The following SUPT20H variants were observed in gnomAD, a reference collection of about 807,000 sequenced individuals.
SUPT20H encodes the protein SPT20 homolog, SAGA complex component.
Under a neutral mutation model 122.8 loss-of-function variants are expected in SUPT20H, and 82 were observed. The observed-to-expected ratio is 0.67, with a 90% CI of 0.56 to 0.80. The LOEUF is 0.80. SUPT20H is among the 30% of genes least tolerant of loss of function. SUPT20H has a pLI of 0.00. For synonymous variants in SUPT20H, 291 were observed against 313.0 expected, an observed-to-expected ratio of 0.93 and a Z score of 0.74; for missense variants, 831 against 921.6, an observed-to-expected ratio of 0.90 and a Z score of 1.27.
In SUPT20H at chr13:37,012,237, TAAC is replaced by T. The variant is rs760971418; in HGVS notation, c.2050_2052del (p.Val684del). ...AAACTTCCTACTCCAGTAAGGTTAA[TAAC>T]AGCAGCTTGCTGAGCAGATAAGGCC... On this transcript the variant is annotated inframe_deletion, in exon 24 of 26. Coordinates refer to ENST00000350612, the MANE Select transcript of SUPT20H (RefSeq NM_001014286.3). The T allele has an allele frequency of 2.4e-5, 39 of 1,613,510 alleles. No individual in the cohort carries two copies. In the Admixed American group the frequency reaches 6.3e-4, roughly 26 times the overall value.
chr13:37,012,390 A>G, intron 23 of SUPT20H, 93 bp from the exon 24 acceptor site: 1 of 938,552 alleles, frequency 1.1e-6, no homozygotes, highest in South Asian at 1.5e-5. Flanking sequence ...TATGAAAGAA[A>G]GCAGTATTAG....
chr13:37,046,438 C>A (rs1222050245), intron 5 of SUPT20H, among the ~76,000 whole-genome samples: 1 of 152,098 alleles, frequency 6.6e-6, no homozygotes, highest in Non-Finnish European at 1.5e-5. Context: ...TCTTAATGGG[C>A]CAGATAGTAT....
chr13:37,027,081 T>C (rs1001882715), intron 14 of SUPT20H, among the ~76,000 whole-genome samples: 1 of 152,064 alleles, frequency 6.6e-6, no homozygotes, highest in African/African-American at 2.4e-5. Flanking sequence ...AAATGGCCAA[T>C]GTATGTTGTC....
chr13:37,023,950 C>A, intron 19 of SUPT20H, 85 bp downstream of exon 19: 1 of 1,432,362 alleles, frequency 7.0e-7, no homozygotes, highest in East Asian at 2.4e-5. Flanking sequence ...GATATCACTA[C>A]TTCACAGGTT....
At chr13:37,050,334 A>G (rs997794908) in intron 2 of SUPT20H, among the ~76,000 whole-genome samples, 1 of 110,058 alleles carries the variant, frequency 9.1e-6, no homozygotes, top group Non-Finnish European at 1.7e-5. Flanking sequence ...ATATAGTGAG[A>G]TTCTGTCACT....
chr13:37,036,762 G>C (rs1358249082), intron 9 of SUPT20H, among the ~76,000 whole-genome samples: 1 of 152,030 alleles, frequency 6.6e-6, no homozygotes, highest in African/African-American at 2.4e-5. Flanking sequence ...ATGTGAAGAT[G>C]ATGAGGATGA....
chr13:37,043,499 T>C (rs1262361835), intron 7 of SUPT20H, among the ~76,000 whole-genome samples: 2 of 152,324 alleles, frequency 1.3e-5, no homozygotes, highest in Non-Finnish European at 2.9e-5. Flanking sequence ...AATTTCTTGA[T>C]TGTAACTATA....
At chr13:37,018,207 C>A (rs922113751) in intron 22 of SUPT20H, among the ~76,000 whole-genome samples, 1 of 152,084 alleles carries the variant, frequency 6.6e-6, no homozygotes, top group Admixed American at 6.5e-5. Flanking sequence ...AGACACAGCA[C>A]AGATCAAATG....
At chr13:37,016,910 A>C (rs940066530) in intron 23 of SUPT20H, among the ~76,000 whole-genome samples, 2 of 152,178 alleles carry the variant, frequency 1.3e-5, no homozygotes, top group African/African-American at 4.8e-5. Flanking sequence ...CAAAATCCTA[A>C]AAACAGAAAG....
Position 37,040,669 on chromosome 13 carries a change from ACATCCG to A in SUPT20H, c.414_419del (p.Gly139_Cys140del). On this transcript the variant is annotated inframe_deletion, in exon 8 of 26. Coordinates refer to ENST00000350612, the MANE Select transcript of SUPT20H (RefSeq NM_001014286.3). ...TGTAGTCACGTATTTCTGCTATGAC[ACATCCG>A]CAATGAAAAATATTAACCTGTTTGG... 2 of 1,613,616 alleles carry A rather than the reference ACATCCG, an allele frequency of 1.2e-6. No individual in the cohort carries two copies. The highest frequency in any genetic ancestry group is 1.7e-6 in the Non-Finnish European group (2 of 1,179,884).
At chr13:37,040,719 CA>C (rs1341613072) in intron 7 of SUPT20H, 27 bp from the exon 8 acceptor site, 3 of 1,566,320 alleles carry the variant, frequency 1.9e-6, no homozygotes, top group Middle Eastern at 3.4e-4. Context: ...ACGTAAACGT[CA>C]TTTTTTTTTC....
chr13:37,034,652 A>G (rs1458245425), intron 9 of SUPT20H, among the ~76,000 whole-genome samples: 7 of 152,210 alleles, frequency 4.6e-5, no homozygotes, highest in Non-Finnish European at 1.0e-4. Context: ...ATCTAAGATA[A>G]CTGATGAAGG....
intron 2 of SUPT20H, among the ~76,000 whole-genome samples, chr13:37,050,347 C>CAAAAAAAAAAAAAAAAAAAAAAAAAA (rs61668901): frequency 1.3e-5 from 1 of 76,998 alleles, no homozygotes; most frequent in Non-Finnish European, 2.4e-5. Context: ...CTGTCACTAC[C>CAAAAAAAAAAAAAAAAAAAAAAAAAA]AAAAAAAAAA....
chr13:37,012,609 A>T (rs2059797045), intron 23 of SUPT20H: 1 of 178,440 alleles, frequency 5.6e-6, no homozygotes, highest in Admixed American at 6.0e-5. Flanking sequence ...TAACATAAAC[A>T]TAGTGCTGGA....
Position 37,022,145 on chromosome 13 carries a change from A to C in SUPT20H, c.1592-65T>G. 3 of 1,614,080 alleles carry C rather than the reference A, an allele frequency of 1.9e-6. No individual in the cohort carries two copies. The highest frequency in any genetic ancestry group is 4.5e-5 in the East Asian group (2 of 44,878). ...TTGTTACAGGCATTGCCTGGCTCAG[A>C]GACCTTTGCTGCTGAGCAAACTGAG... On this transcript the variant is annotated intron_variant, in intron 19 of 25. Coordinates refer to ENST00000350612, the MANE Select transcript of SUPT20H (RefSeq NM_001014286.3). This position sits in a 1 kb window ranked among gnomAD's most constrained non-coding sequence, Gnocchi z 4.5.
chr13:37,028,923 T>C (rs2062796302), intron 13 of SUPT20H, among the ~76,000 whole-genome samples: 1 of 151,008 alleles, frequency 6.6e-6, no homozygotes, highest in Admixed American at 6.7e-5. Flanking sequence ...CAGAATTTCA[T>C]ACTAGATATA....
chr13:37,023,821 T>G, intron 19 of SUPT20H: 1 of 428,372 alleles, frequency 2.3e-6, no homozygotes, highest in Non-Finnish European at 4.1e-6. Flanking sequence ...ACACGCAGAA[T>G]GTATACACAG....
Position 37,022,636 on chromosome 13 carries a change from A to G in SUPT20H, c.1592-556T>C. ...CTGCCTTTGGCCTAAAAAGTTCAAA[A>G]CGAATTCAAATTAATTTGTTATTTA... On this transcript the variant is annotated intron_variant, in intron 19 of 25. Coordinates refer to ENST00000350612, the MANE Select transcript of SUPT20H (RefSeq NM_001014286.3). This position sits in a 1 kb window ranked among gnomAD's most constrained non-coding sequence, Gnocchi z 4.5. 1 of 1,049,598 alleles carries G rather than the reference A, an allele frequency of 9.5e-7. No individual in the cohort carries two copies. Among genetic ancestry groups the G allele is most frequent in the South Asian group, 4.4e-5 (1 of 22,604 alleles). The allele number at this position is 1,049,598 out of a possible 1,614,324, so 65.0% of individuals were successfully genotyped here. A position where few individuals can be genotyped will look rare whatever the true frequency, so the allele number is the denominator to read the frequency against.
chr13:37,037,155 C>G (rs951608763), intron 9 of SUPT20H, among the ~76,000 whole-genome samples: 28 of 146,834 alleles, frequency 1.9e-4, no homozygotes, highest in African/African-American at 7.0e-4. Flanking sequence ...TGAGATTGTG[C>G]CAATGCACTG....
Sources: gnomAD v4.1 joint callset for allele counts (sites outside exome capture counted in the v4.1 genomes callset) on GRCh38, gnomAD v4.1.1 for gene constraint, Gnocchi (gnomAD v3.1) non-coding constraint, MANE v1.5 for transcripts, NCBI Gene and HGNC (gene_info 2026-07-23, HGNC 2026-07-21) for gene names.